The following CPNE3 variants were observed in gnomAD, a reference collection of about 807,000 sequenced individuals.
The protein encoded by CPNE3 is copine-3.
A neutral mutation model predicts 63.9 loss-of-function variants in CPNE3; 68 were observed. That is an observed-to-expected ratio of 1.06 (90% CI 0.87 to 1.30). CPNE3 has a LOEUF of 1.30. Ranked by LOEUF, CPNE3 falls within the 50% of genes most tolerant of loss-of-function variation. CPNE3 has a pLI of 0.00. For synonymous variants in CPNE3, 219 were observed against 197.5 expected (o/e 1.11, Z -0.91); for missense variants, 665 against 578.1 (o/e 1.15, Z -1.54).
At chr8:86,525,673 G>A (rs1820526740) in intron 2 of CPNE3, among the ~76,000 whole-genome samples, 1 of 152,148 alleles carries the variant, frequency 6.6e-6, no homozygotes, top group Non-Finnish European at 1.5e-5. Context: ...GTGTCTCTTT[G>A]CTGTGAGACT....
At chr8:86,520,864 G>A (rs1234088224) in intron 2 of CPNE3, among the ~76,000 whole-genome samples, 1 of 151,894 alleles carries the variant, frequency 6.6e-6, no homozygotes, top group East Asian at 2.0e-4. Flanking sequence ...TGTTGACCAG[G>A]CTGGTCTCAA....
chr8:86,539,227 C>A (rs562469273), intron 7 of CPNE3, among the ~76,000 whole-genome samples: 1 of 152,254 alleles, frequency 6.6e-6, no homozygotes, highest in South Asian at 2.1e-4. Flanking sequence ...TCTAAAATGG[C>A]TCTTGGTTTT....
intron 2 of CPNE3, among the ~76,000 whole-genome samples, chr8:86,520,860 C>T (rs1314506378): frequency 6.6e-6 from 1 of 151,970 alleles, no homozygotes; most frequent in Non-Finnish European, 1.5e-5. Flanking sequence ...GCCATGTTGA[C>T]CAGGCTGGTC....
At chr8:86,557,091 T>C (rs1206966794) in intron 16 of CPNE3, among the ~76,000 whole-genome samples, 2 of 152,304 alleles carry the variant, frequency 1.3e-5, no homozygotes, top group Non-Finnish European at 2.9e-5. Context: ...TTTTTCTCTC[T>C]GATACATAAG....
chr8:86,552,576 A>C (rs72690480), intron 14 of CPNE3, among the ~76,000 whole-genome samples: 1 of 152,068 alleles, frequency 6.6e-6, no homozygotes, highest in Admixed American at 6.6e-5. Flanking sequence ...CTGTTCACCA[A>C]GTGGTTTACA....
chr8:86,555,549 A>T lies in CPNE3; in HGVS notation c.1255-553A>T, dbSNP rs76574185. The stretch of plus-strand genomic sequence containing the variant: ...ATTGTAAATCTTATTCCTATTCTAG[A>T]CTTAAATGGCCCAAAAGATGGAGTC... On this transcript the variant is annotated intron_variant, in intron 15 of 16. Coordinates refer to ENST00000517490, the MANE Select transcript of CPNE3 (RefSeq NM_003909.5). 5.8e-3 allele frequency among the ~76,000 whole-genome samples: 878 copies of T among 152,304 alleles called. 6 individuals are homozygous for T. The highest frequency in any genetic ancestry group is 0.02 in the African/African-American group (819 of 41,570).
intron 2 of CPNE3, among the ~76,000 whole-genome samples, chr8:86,517,303 C>T (rs974435953): frequency 6.6e-6 from 1 of 152,104 alleles, no homozygotes; most frequent in Non-Finnish European, 1.5e-5. Flanking sequence ...GAAGGAAATA[C>T]TACATACTCA....
chr8:86,558,058 G>A (rs1321564797), intron 16 of CPNE3, among the ~76,000 whole-genome samples: 1 of 152,074 alleles, frequency 6.6e-6, no homozygotes, highest in Non-Finnish European at 1.5e-5. Flanking sequence ...TTAGAATGCT[G>A]GCACCGAAAA....
chr8:86,517,852 C>G (rs1165346989), intron 2 of CPNE3, among the ~76,000 whole-genome samples: 4 of 152,124 alleles, frequency 2.6e-5, no homozygotes, highest in Non-Finnish European at 5.9e-5. Flanking sequence ...AGTAGGCAAT[C>G]TATAATATTT....
chr8:86,521,972 G>GT (rs1288796857), intron 2 of CPNE3, among the ~76,000 whole-genome samples: 1 of 149,634 alleles, frequency 6.7e-6, no homozygotes, highest in African/African-American at 2.4e-5. Flanking sequence ...TTTGAAAATT[G>GT]TAAAAAAAAA....
At chr8:86,557,261 A>G (rs6988468) in intron 16 of CPNE3, among the ~76,000 whole-genome samples, 127,015 of 152,032 alleles carry the variant, frequency 0.84, 53,814 homozygotes, top group African/African-American at 0.92. Flanking sequence ...AGCCTCCCGA[A>G]TAGCTGGGAT....
In CPNE3 at chr8:86,544,789, C is replaced by T. The variant is rs1159299814; in HGVS notation, c.683C>T (p.Thr228Ile). 6.3e-7 allele frequency: 1 copy of T among 1,591,396 alleles called. No homozygotes were observed. Among genetic ancestry groups the T allele is most frequent in the African/African-American group, 1.4e-5 (1 of 73,728 alleles). The change falls in exon 9 of 17, where the codon ACA becomes ATA. Residue 228 changes from threonine to isoleucine, a missense_variant. Physicochemically the swap from Thr to Ile is moderately conservative, Grantham distance 89 (BLOSUM62 -1). Coordinates refer to ENST00000517490, the MANE Select transcript of CPNE3 (RefSeq NM_003909.5). ...GATGGGTCACATGATCTCATTGGAA[C>T]ATTTCAGACCACCATGACAAAACTG... is the stretch of plus-strand genomic sequence containing the variant. ...DNDGSHDLIG[T>I]FQTTMTKLKE...
At chr8:86,521,182 C>T (rs1180026213) in intron 2 of CPNE3, among the ~76,000 whole-genome samples, 1 of 152,148 alleles carries the variant, frequency 6.6e-6, no homozygotes, top group East Asian at 1.9e-4. Context: ...ATGGCACCTA[C>T]ACACATGGCA....
At chr8:86,535,525 G>A (rs1371443753) in intron 6 of CPNE3, among the ~76,000 whole-genome samples, 10 of 151,728 alleles carry the variant, frequency 6.6e-5, no homozygotes, top group Non-Finnish European at 1.3e-4. Context: ...AAAATTAGCC[G>A]GTCATGGTAG....
intron 15 of CPNE3, 115 bp downstream of exon 15, chr8:86,555,099 A>C: frequency 7.1e-7 from 1 of 1,417,294 alleles, no homozygotes; most frequent in Non-Finnish European, 9.4e-7. Context: ...ATACAATAAC[A>C]CAGTCATTCT....
At chr8:86,554,419 A>G (rs937075587) in intron 14 of CPNE3, among the ~76,000 whole-genome samples, 1 of 152,234 alleles carries the variant, frequency 6.6e-6, no homozygotes, top group Non-Finnish European at 1.5e-5. Flanking sequence ...GTTTATCGCC[A>G]TCTGGTATTT....
intron 2 of CPNE3, 148 bp from the exon 3 acceptor site, chr8:86,528,388 G>C (rs934469859): frequency 1.5e-6 from 1 of 675,230 alleles, no homozygotes; most frequent in Non-Finnish European, 2.5e-6. Context: ...ATCCTGAGGA[G>C]GTGCATATAA....
At chr8:86,547,841 A>AT (rs1821088918) in intron 11 of CPNE3, 71 bp downstream of exon 11, 3 of 780,186 alleles carry the variant, frequency 3.8e-6, no homozygotes, top group Non-Finnish European at 6.6e-6. Flanking sequence ...TTTCACTGCA[A>AT]AACTGACTTT....
chr8:86,537,425 G>A (rs1419676383), intron 6 of CPNE3, 138 bp from the exon 7 acceptor site: 3 of 594,738 alleles, frequency 5.0e-6, no homozygotes, highest in Non-Finnish European at 9.1e-6. Flanking sequence ...TAGGGAGAAA[G>A]GTGATGGGAT....
Sources: allele counts gnomAD v4.1 joint callset (sites outside exome capture counted in the v4.1 genomes callset), GRCh38; gene constraint gnomAD v4.1.1; transcripts MANE v1.5; gene names NCBI Gene and HGNC (gene_info 2026-07-23, HGNC 2026-07-21).